GTPBP4: variants seen among roughly 807,000 people sequenced by gnomAD.
GTPBP4 encodes the protein GTP binding protein 4.
In GTPBP4, 15 loss-of-function variants were observed where a neutral mutation model predicts 81.7. The ratio of observed to expected loss-of-function variants is 0.18; its 90% CI spans 0.12 to 0.28. The LOEUF is 0.28. GTPBP4 is among the 10% of genes least tolerant of loss of function. The pLI is 1.00. For missense variants in GTPBP4, 847 were observed against 793.8 expected, an observed-to-expected ratio of 1.07 and a Z score of -0.81; for synonymous variants, 272 against 274.6, an observed-to-expected ratio of 0.99 and a Z score of 0.09.
At chr10:1,015,260 T>C (rs988475550) in intron 15 of GTPBP4, among the ~76,000 whole-genome samples, 3 of 152,230 alleles carry the variant, frequency 2.0e-5, no homozygotes, top group African/African-American at 7.2e-5. Flanking sequence ...ATGAAAATAC[T>C]GCGTGTATTT....
chr10:1,010,437 A>G lies in GTPBP4; in HGVS notation c.1261A>G (p.Asn421Asp), dbSNP rs1279606532. The part of the protein sequence containing the change: ...LDLQKYWDLM[N>D]LSEKHDKIPE... ...AACTTTAGAGTACTGGGATTTAATG[A>G]ATTTGTCTGAAAAACATGATAAGAT... The change falls in exon 13 of 17, where the codon AAT becomes GAT. Residue 421 changes from asparagine (N) to aspartate (D), a missense_variant. Physicochemically the swap from Asn to Asp is conservative, Grantham distance 23. This residue lies in a region of GTPBP4 where 600 missense variants were observed against 557.1 expected (regional missense o/e 1.08). Coordinates refer to ENST00000360803, the MANE Select transcript of GTPBP4 (RefSeq NM_012341.3). 2.6e-6 allele frequency: 4 copies of G among 1,557,774 alleles called. No individual in the cohort carries two copies. The highest frequency in any genetic ancestry group is 1.7e-5 in the Admixed American group (1 of 59,908).
chr10:1,016,326 C>T (rs189855661), intron 16 of GTPBP4, among the ~76,000 whole-genome samples: 10 of 152,190 alleles, frequency 6.6e-5, no homozygotes, highest in Admixed American at 5.2e-4. Flanking sequence ...ATTGTTCCCC[C>T]CAGGTGGAGA....
chr10:1,009,704 T>A, intron 12 of GTPBP4, 124 bp downstream of exon 12: 1 of 722,642 alleles, frequency 1.4e-6, no homozygotes, highest in Non-Finnish European at 2.5e-6. Context: ...TTTTAATTTC[T>A]TGAAGATTAA....
chr10:1,005,347 A>G (rs1411453253), intron 8 of GTPBP4, among the ~76,000 whole-genome samples: 5 of 152,026 alleles, frequency 3.3e-5, no homozygotes, highest in African/African-American at 7.2e-5. Context: ...GGGTTTCACC[A>G]TGTTAGCCAG....
At chr10:995,304 C>T (rs1183094703) in intron 2 of GTPBP4, among the ~76,000 whole-genome samples, 2 of 152,110 alleles carry the variant, frequency 1.3e-5, no homozygotes, top group Non-Finnish European at 2.9e-5. Context: ...CACCTAGAAG[C>T]TGTGAGGAAA....
rs1479654091 is a variant in GTPBP4, at chr10:992,526, A to G, written c.86A>G (p.Lys29Arg). 1 of 1,607,054 alleles carries G rather than the reference A, an allele frequency of 6.2e-7. No homozygotes were observed. Among genetic ancestry groups the G allele is most frequent in the Non-Finnish European group, 8.5e-7 (1 of 1,173,788 alleles). The change falls in exon 2 of 17, where the codon AAG (lysine) becomes AGG (arginine). Residue 29 changes from lysine (K) to arginine (R), a missense_variant. This residue lies in a region of GTPBP4 where 241 missense variants were observed against 216.3 expected (regional missense o/e 1.11). Transcript: ENST00000360803. ...IDLTLSKTQR[K>R]TPTVIHKHYQ... ...CTCACGTTGTCGAAGACTCAACGAAAGACTCCAACCGTTATTCATAAACAT... is the reference window on the plus strand; with the variant it reads ...CTCACGTTGTCGAAGACTCAACGAAGGACTCCAACCGTTATTCATAAACAT...
chr10:1,003,627 G>C (rs1564468209), intron 8 of GTPBP4, among the ~76,000 whole-genome samples: 1 of 152,212 alleles, frequency 6.6e-6, no homozygotes. Flanking sequence ...GATAGGAGCA[G>C]TGACATTGTT....
chr10:990,595 C>CAT (rs1357374960), intron 1 of GTPBP4, among the ~76,000 whole-genome samples: 1 of 151,120 alleles, frequency 6.6e-6, no homozygotes, highest in South Asian at 2.1e-4. Context: ...TGGTGGCGGG[C>CAT]GCCTGTAGTC....
intron 8 of GTPBP4, among the ~76,000 whole-genome samples, chr10:1,004,617 T>C (rs1762664481): frequency 6.6e-6 from 1 of 152,186 alleles, no homozygotes; most frequent in Non-Finnish European, 1.5e-5. Context: ...AGCAGGGCAC[T>C]GCTTCAGCTC....
intron 13 of GTPBP4, among the ~76,000 whole-genome samples, chr10:1,011,251 G>T (rs893212280): frequency 6.6e-6 from 1 of 152,018 alleles, no homozygotes; most frequent in Admixed American, 6.6e-5. Context: ...CCTCTTCCTT[G>T]GGGGCTCCGC....
In GTPBP4 at chr10:1,001,107, A is replaced by G. The variant is rs781656229; in HGVS notation, c.912+94A>G. The G allele has an allele frequency of 1.8e-4, 140 of 775,618 alleles. 1 individual carries two copies. The highest frequency in any genetic ancestry group is 3.0e-4 in the Non-Finnish European group (131 of 442,044). 48.0% of individuals were successfully genotyped at this position (775,618 alleles called of 1,614,324 possible). A position where few individuals can be genotyped will look rare whatever the true frequency, so the allele number is the denominator to read the frequency against. On this transcript the variant is annotated intron_variant, in intron 8 of 16. Coordinates refer to ENST00000360803, the MANE Select transcript of GTPBP4 (RefSeq NM_012341.3). Reference sequence around the variant, plus strand: ...GTTTAGATGAAGGAATTTTAGCAATACTAGTCCACAATTGTATTTTATAGT... The same window carrying G: ...GTTTAGATGAAGGAATTTTAGCAATGCTAGTCCACAATTGTATTTTATAGT...
chr10:1,010,089 G>A (rs1942600822), intron 12 of GTPBP4, among the ~76,000 whole-genome samples: 2 of 148,992 alleles, frequency 1.3e-5, no homozygotes, highest in African/African-American at 2.4e-5. Context: ...CTTTCTCCAC[G>A]TGTGGGTGTT....
chr10:998,939 A>G, intron 5 of GTPBP4, 64 bp from the exon 6 acceptor site: 1 of 899,266 alleles, frequency 1.1e-6, no homozygotes, highest in Non-Finnish European at 1.9e-6. Flanking sequence ...TCTTGTTAAA[A>G]CACACAGATC....
Position 1,019,281 on chromosome 10 carries a change from C to A in GTPBP4, c.*2054C>A. ...AGTGCTTATAAAATGGAAATTGGGA[C>A]AAAGGAAATGTTAAATTTCCTCCCT... On this transcript the variant is annotated 3_prime_UTR_variant, in exon 17 of 17. Transcript: ENST00000360803. The A allele has an allele frequency of 2.1e-6, 1 of 480,846 alleles. No individual in the cohort carries two copies. The highest frequency in any genetic ancestry group is 2.7e-5 in the South Asian group (1 of 37,370). 29.8% of individuals were successfully genotyped at this position (480,846 alleles called of 1,614,324 possible).
rs1831551663 is a variant in GTPBP4 at position 997,254 on chromosome 10, G to A, written c.507G>A (p.Arg169=). ...SRLPTIDPNT[R]TLLLCGYPNV... is the part of the protein sequence containing the mutation. ...TGCCAACCATTGATCCGAATACCAG[G>A]ACCCTGCTTTTGTGTGGGTACCCAA... Residue 169 remains arginine (R), a synonymous_variant, in exon 5 of 17, where the codon AGG becomes AGA. Coordinates refer to ENST00000360803, the MANE Select transcript of GTPBP4 (RefSeq NM_012341.3). 6.2e-7 allele frequency: 1 copy of A among 1,610,672 alleles called. No individual in the cohort carries two copies. The highest frequency in any genetic ancestry group is 1.3e-5 in the African/African-American group (1 of 74,842).
Position 1,018,820 on chromosome 10 carries a change from A to C in GTPBP4, c.*1593A>C, listed in dbSNP as rs1316012916. The C allele has an allele frequency of 6.6e-6, 1 of 151,638 alleles. No homozygotes were observed. Among genetic ancestry groups the C allele is most frequent in the Non-Finnish European group, 1.5e-5 (1 of 67,976 alleles). The allele number at this position is 151,638 out of a possible 1,614,324, so 9.4% of individuals were successfully genotyped here. ...GACTCCATCTCAAAAAAAAAAAAAA[A>C]ATACCAGGTCTGGTTTTTGAAATTC... On this transcript the variant is annotated 3_prime_UTR_variant, in exon 17 of 17. Transcript: ENST00000360803.
rs1832025399 is a variant in GTPBP4, at chr10:1,018,296, GCA to G, written c.*1070_*1071del. The G allele has an allele frequency of 1.3e-5, 2 of 151,826 alleles. No homozygotes were observed. The highest frequency in any genetic ancestry group is 2.9e-5 in the Non-Finnish European group (2 of 68,044). 9.4% of individuals were successfully genotyped at this position (151,826 alleles called of 1,614,324 possible). A position where few individuals can be genotyped will look rare whatever the true frequency, so the allele number is the denominator to read the frequency against. ...AAAAATTAGCCATGCGTGGTGGTGG[GCA>G]TCTGTAATCCTAGCTGCTCGGGAGG... On this transcript the variant is annotated 3_prime_UTR_variant, in exon 17 of 17. Coordinates refer to ENST00000360803, the MANE Select transcript of GTPBP4 (RefSeq NM_012341.3).
At chr10:1,007,936 T>C (rs374798445) in intron 10 of GTPBP4, 15 of 517,878 alleles carry the variant, frequency 2.9e-5, no homozygotes, top group Non-Finnish European at 5.4e-5. Flanking sequence ...TACTTTTGTA[T>C]TACAAAGGTT....
intron 13 of GTPBP4, among the ~76,000 whole-genome samples, chr10:1,011,942 C>T (rs563403444): frequency 1.3e-5 from 2 of 152,392 alleles, no homozygotes; most frequent in South Asian, 4.1e-4. Context: ...TCACCCTCTG[C>T]ACTGCTGGCC....
Sources: allele counts gnomAD v4.1 joint callset (sites outside exome capture counted in the v4.1 genomes callset), GRCh38; gene constraint gnomAD v4.1.1; regional missense constraint gnomAD v4.1.1; transcripts MANE v1.5; gene names NCBI Gene and HGNC (gene_info 2026-07-23, HGNC 2026-07-21).